BRD10: variants seen among roughly 807,000 people sequenced by gnomAD.
BRD10 encodes the protein bromodomain containing 10.
At chr9:5,933,419 T>C in the BRD10 span, among the ~76,000 whole-genome samples, 1 of 152,172 alleles carries the variant, frequency 6.6e-6, no homozygotes. Flanking sequence ...AGACATACAA[T>C]ATAATTTAAA....
the BRD10 span, among the ~76,000 whole-genome samples, chr9:5,947,593 CTATA>C: frequency 6.6e-6 from 1 of 151,972 alleles, no homozygotes; most frequent in African/African-American, 2.4e-5. Flanking sequence ...TATATTCCCT[CTATA>C]TGTATATTTA....
At chr9:5,953,996 G>C in the BRD10 span, 1 of 1,477,418 alleles carries the variant, frequency 6.8e-7, no homozygotes, top group Non-Finnish European at 9.3e-7. Flanking sequence ...AAAATTTCGA[G>C]ACAAAGTTGA....
the BRD10 span, chr9:5,907,197 G>C: frequency 5.8e-6 from 2 of 346,970 alleles, no homozygotes; most frequent in Middle Eastern, 1.5e-3. Context: ...TAAAAAACAA[G>C]GGAAGTACAG....
At chr9:5,959,321 A>C in the BRD10 span, among the ~76,000 whole-genome samples, 1 of 152,136 alleles carries the variant, frequency 6.6e-6, no homozygotes, top group African/African-American at 2.4e-5. Flanking sequence ...CCTTTCTCCT[A>C]ATCCTGTCAC....
chr9:5,906,878 AT>A, the BRD10 span: 1 of 1,542,842 alleles, frequency 6.5e-7, no homozygotes, highest in Non-Finnish European at 8.7e-7. Flanking sequence ...ATCAATTTAC[AT>A]TTCAGGATAA....
At chr9:5,921,939 T>C in the BRD10 span, 2 of 1,613,920 alleles carry the variant, frequency 1.2e-6, no homozygotes, top group Admixed American at 3.3e-5. Flanking sequence ...GAAACAGAAG[T>C]TGGTGTTTGG....
the BRD10 span, among the ~76,000 whole-genome samples, chr9:5,948,486 G>A: frequency 6.6e-6 from 1 of 151,786 alleles, no homozygotes. Context: ...TGGGAGTGGG[G>A]AGGCCCTGTA....
At chr9:5,911,709 A>G in the BRD10 span, among the ~76,000 whole-genome samples, 1 of 151,136 alleles carries the variant, frequency 6.6e-6, no homozygotes, top group African/African-American at 2.4e-5. Flanking sequence ...TAATTTTTGT[A>G]TTTTTAGTAG....
the BRD10 span, among the ~76,000 whole-genome samples, chr9:5,929,384 G>A: frequency 6.6e-6 from 1 of 152,014 alleles, no homozygotes; most frequent in Non-Finnish European, 1.5e-5. Flanking sequence ...CCAACTGGAA[G>A]ATAAAAATTT....
the BRD10 span, among the ~76,000 whole-genome samples, chr9:5,928,135 T>C: frequency 6.6e-6 from 1 of 152,008 alleles, no homozygotes; most frequent in African/African-American, 2.4e-5. Context: ...AAATAGTGGG[T>C]ATCATCTTTT....
At chr9:5,999,517 T>C in the BRD10 span, among the ~76,000 whole-genome samples, 2 of 152,080 alleles carry the variant, frequency 1.3e-5, no homozygotes, top group African/African-American at 4.8e-5. Flanking sequence ...ATTCATTTCA[T>C]CTATGCATCC....
At chr9:5,961,641 G>A in the BRD10 span, among the ~76,000 whole-genome samples, 1 of 151,904 alleles carries the variant, frequency 6.6e-6, no homozygotes, top group Non-Finnish European at 1.5e-5. Flanking sequence ...TAAAAACATA[G>A]GATCAAGCAT....
At chr9:5,908,754 C>T in the BRD10 span, 1 of 1,556,784 alleles carries the variant, frequency 6.4e-7, no homozygotes, top group African/African-American at 1.4e-5. Context: ...TTCTCTCACA[C>T]TTTTGCTTGA....
the BRD10 span, among the ~76,000 whole-genome samples, chr9:5,891,631 T>C: frequency 1.3e-5 from 2 of 152,234 alleles, no homozygotes; most frequent in East Asian, 1.9e-4. Context: ...GCTTCCATTA[T>C]TGGTTTTTAA....
the BRD10 span, chr9:5,967,969 C>G: frequency 8.3e-7 from 1 of 1,205,674 alleles, no homozygotes; most frequent in Non-Finnish European, 1.1e-6. Flanking sequence ...ATGGAAAAAA[C>G]AATTTGAATT....
chr9:5,965,757 T>G, the BRD10 span, among the ~76,000 whole-genome samples: 1 of 152,178 alleles, frequency 6.6e-6, no homozygotes, highest in Non-Finnish European at 1.5e-5. Flanking sequence ...TTTCCAAACC[T>G]ATGATGATGG....
the BRD10 span, chr9:5,908,752 C>T: frequency 6.4e-7 from 1 of 1,560,968 alleles, no homozygotes; most frequent in Admixed American, 1.7e-5. Context: ...ATTTCTCTCA[C>T]ACTTTTGCTT....
At chr9:5,988,658 T>G in the BRD10 span, 1 of 719,298 alleles carries the variant, frequency 1.4e-6, no homozygotes, top group South Asian at 1.8e-5. Flanking sequence ...TATTTAAACC[T>G]TACTTACTTA....
chr9:5,966,709 C>T, the BRD10 span, among the ~76,000 whole-genome samples: 3 of 151,990 alleles, frequency 2.0e-5, no homozygotes, highest in Non-Finnish European at 2.9e-5. Flanking sequence ...CTGCCCCCCT[C>T]GGCCTCCCAA....
Sources: gnomAD v4.1 joint callset for allele counts (sites outside exome capture counted in the v4.1 genomes callset) on GRCh38, gnomAD v4.1.1 for gene constraint, MANE v1.5 for transcripts, NCBI Gene and HGNC (gene_info 2026-07-23, HGNC 2026-07-21) for gene names.